The following NRG3 variants were observed in gnomAD, a reference collection of about 807,000 sequenced individuals.
NRG3 encodes the protein pro-neuregulin-3, membrane-bound isoform.
A neutral mutation model predicts 66.9 loss-of-function variants in NRG3; 31 were observed. The observed-to-expected ratio is 0.46, with a 90% confidence interval of 0.35 to 0.63. The LOEUF (loss-of-function observed/expected upper bound fraction) is 0.63. NRG3 is among the 20% of genes least tolerant of loss of function. The pLI is 0.00. For synonymous variants in NRG3, 393 were observed against 359.4 expected (o/e 1.09, Z -1.06); for missense variants, 910 against 878.9 (o/e 1.04, Z -0.45).
intron 1 of NRG3, among the ~76,000 whole-genome samples, chr10:81,938,509 CTTAA>C (rs1284509424): frequency 1.3e-5 from 2 of 150,238 alleles, no homozygotes; most frequent in African/African-American, 2.5e-5. Context: ...GAATTGTTTT[CTTAA>C]TTTTCTTTTT....
intron 3 of NRG3, among the ~76,000 whole-genome samples, chr10:82,769,500 A>T (rs2059636247): frequency 6.6e-6 from 1 of 152,138 alleles, no homozygotes; most frequent in African/African-American, 2.4e-5. Flanking sequence ...ATATTAAAAA[A>T]ATATTTTGAG....
chr10:82,432,518 G>T (rs1351771838), intron 2 of NRG3, among the ~76,000 whole-genome samples: 1 of 147,700 alleles, frequency 6.8e-6, no homozygotes, highest in Non-Finnish European at 1.5e-5. Context: ...AAAAAAACAG[G>T]ATACATGTGC....
intron 1 of NRG3, among the ~76,000 whole-genome samples, chr10:82,064,429 T>TAC (rs1209552093): frequency 3.9e-5 from 6 of 152,020 alleles, no homozygotes; most frequent in African/African-American, 1.4e-4. Flanking sequence ...CATTATTGAA[T>TAC]ACACATTTTA....
At chr10:82,674,762 A>G (rs201343437) in intron 2 of NRG3, among the ~76,000 whole-genome samples, 1 of 101,460 alleles carries the variant, frequency 9.9e-6, no homozygotes, top group South Asian at 3.0e-4. Flanking sequence ...CCCCACCCCC[A>G]CCTGCCGTAA....
At chr10:82,631,257 A>G (rs2049809324) in intron 2 of NRG3, among the ~76,000 whole-genome samples, 1 of 152,176 alleles carries the variant, frequency 6.6e-6, no homozygotes, top group Non-Finnish European at 1.5e-5. Context: ...AATGGATATG[A>G]CAGACACCAA....
At chr10:81,933,421 AATTATT>A (rs886747400) in intron 1 of NRG3, among the ~76,000 whole-genome samples, 1 of 152,114 alleles carries the variant, frequency 6.6e-6, no homozygotes, top group Non-Finnish European at 1.5e-5. Context: ...CATAGGATTC[AATTATT>A]ATTATTATTT....
chr10:82,288,543 C>G (rs1029221279), intron 1 of NRG3, among the ~76,000 whole-genome samples: 1 of 152,092 alleles, frequency 6.6e-6, no homozygotes, highest in Non-Finnish European at 1.5e-5. Flanking sequence ...GATGTGTTCA[C>G]TCAGTCAACA....
intron 2 of NRG3, among the ~76,000 whole-genome samples, chr10:82,722,481 G>C (rs1009802943): frequency 1.3e-5 from 2 of 152,108 alleles, no homozygotes; most frequent in Admixed American, 6.6e-5. Context: ...ATCTTATATT[G>C]CATCATCATT....
intron 1 of NRG3, among the ~76,000 whole-genome samples, chr10:82,006,205 A>T (rs1012147112): frequency 2.6e-5 from 4 of 152,060 alleles, no homozygotes; most frequent in African/African-American, 9.7e-5. Flanking sequence ...TATTAGTGAG[A>T]TTATTAGTGA....
chr10:82,312,777 C>CT (rs144685552), intron 1 of NRG3, among the ~76,000 whole-genome samples: 2,782 of 149,128 alleles, frequency 0.019, 67 homozygotes, highest in African/African-American at 0.053. Context: ...TTAGAGCTTT[C>CT]TTTTTTTTTT....
At chr10:82,467,095 C>A (rs985836434) in intron 2 of NRG3, among the ~76,000 whole-genome samples, 4 of 151,982 alleles carry the variant, frequency 2.6e-5, no homozygotes, top group Non-Finnish European at 5.9e-5. Context: ...TGTTCCCCAG[C>A]AGATAGAATC....
intron 1 of NRG3, among the ~76,000 whole-genome samples, chr10:81,961,768 A>C (rs1850386535): frequency 6.6e-6 from 1 of 152,254 alleles, no homozygotes; most frequent in African/African-American, 2.4e-5. Flanking sequence ...GTTAGATATT[A>C]ATGTTAACTG....
intron 2 of NRG3, among the ~76,000 whole-genome samples, chr10:82,520,503 C>A (rs1032470116): frequency 6.6e-6 from 1 of 152,030 alleles, no homozygotes; most frequent in Non-Finnish European, 1.5e-5. Flanking sequence ...AAGCTCTTTT[C>A]TCTCATCTCA....
Position 82,747,493 on chromosome 10 carries a change from T to G in NRG3, c.1027+8843T>G, listed in dbSNP as rs1460256098. 1.3e-5 allele frequency among the ~76,000 whole-genome samples: 2 copies of G among 152,094 alleles called. 1 individual carries two copies. Among genetic ancestry groups the G allele is most frequent in the East Asian group, 3.9e-4 (2 of 5,180 alleles). On this transcript the variant is annotated intron_variant, in intron 3 of 8. Transcript: ENST00000372141. Reference sequence around the variant, plus strand: ...AAAAGTAAAATTGATTTTACTTTTTTCTTTACCAACACTGGATAGTATTAA... The same window carrying G: ...AAAAGTAAAATTGATTTTACTTTTTGCTTTACCAACACTGGATAGTATTAA...
chr10:82,091,255 TC>T (rs1385379955), intron 1 of NRG3, among the ~76,000 whole-genome samples: 2 of 152,150 alleles, frequency 1.3e-5, no homozygotes, highest in Non-Finnish European at 2.9e-5. Context: ...ACTGTCTATG[TC>T]CCCGATTTTC....
chr10:82,520,281 G>C (rs1846067568), intron 2 of NRG3, among the ~76,000 whole-genome samples: 1 of 151,254 alleles, frequency 6.6e-6, no homozygotes, highest in Non-Finnish European at 1.5e-5. Context: ...CATGGATATG[G>C]TTGTTAAAAA....
intron 1 of NRG3, among the ~76,000 whole-genome samples, chr10:82,063,183 T>C (rs961933426): frequency 6.6e-6 from 1 of 152,210 alleles, no homozygotes. Context: ...TATGATTCTT[T>C]TGATGAGAGT....
intron 3 of NRG3, among the ~76,000 whole-genome samples, chr10:82,846,833 G>A (rs1234731711): frequency 6.6e-6 from 1 of 152,176 alleles, no homozygotes; most frequent in Non-Finnish European, 1.5e-5. Flanking sequence ...GGTGCAAACA[G>A]AACCACATAG....
chr10:82,132,015 T>C (rs1351199520), intron 1 of NRG3, among the ~76,000 whole-genome samples: 1 of 152,062 alleles, frequency 6.6e-6, no homozygotes, highest in Non-Finnish European at 1.5e-5. Context: ...TCCAAATTGG[T>C]TGCCATTTAT....
Sources: gnomAD v4.1 joint callset for allele counts (sites outside exome capture counted in the v4.1 genomes callset) on GRCh38, gnomAD v4.1.1 for gene constraint, MANE v1.5 for transcripts, NCBI Gene and HGNC (gene_info 2026-07-23, HGNC 2026-07-21) for gene names.